OR7C1: variants seen among roughly 807,000 people sequenced by gnomAD.
OR7C1 encodes olfactory receptor family 7 subfamily C member 1.
For synonymous variants in OR7C1, 152 were observed against 160.7 expected, an observed-to-expected ratio of 0.95 and a Z score of 0.41; for missense variants, 324 against 383.3, an observed-to-expected ratio of 0.85 and a Z score of 1.29.
At chr19:14,814,400 G>A (rs998258704) in intron 1 of OR7C1, among the ~76,000 whole-genome samples, 2 of 151,826 alleles carry the variant, frequency 1.3e-5, no homozygotes. Context: ...ATGGCCAACA[G>A]GAATATGGAA....
exon 5 of OR7C1, chr19:14,799,155 A>G (rs2044625800): frequency 3.8e-6 from 6 of 1,571,512 alleles, no homozygotes; most frequent in Middle Eastern, 1.7e-4. Context: ...GTGCCTCCCA[A>G]TGGTCCAAGC....
intron 4 of OR7C1, 35 bp from the exon 5 acceptor site, chr19:14,800,184 T>C: frequency 6.7e-7 from 1 of 1,494,206 alleles, no homozygotes; most frequent in Non-Finnish European, 8.9e-7. Flanking sequence ...CAGTCAATTA[T>C]CAACACACTG....
chr19:14,825,267 C>G (rs894411337), intron 1 of OR7C1: 3 of 152,026 alleles, frequency 2.0e-5, no homozygotes, highest in Admixed American at 6.6e-5. Flanking sequence ...GAGTACAATT[C>G]TGGTTATGGA....
chr19:14,810,502 C>T (rs1448240975), intron 1 of OR7C1, among the ~76,000 whole-genome samples: 1 of 151,688 alleles, frequency 6.6e-6, no homozygotes, highest in Non-Finnish European at 1.5e-5. Context: ...GCCTCAGCCT[C>T]CCGAGTAGCT....
exon 5 of OR7C1, chr19:14,799,486 A>T: frequency 6.2e-7 from 1 of 1,614,188 alleles, no homozygotes; most frequent in East Asian, 2.2e-5. Context: ...TTTTATAGTA[A>T]GAGAAAAATA....
At chr19:14,809,049 G>A (rs1380628609) in intron 2 of OR7C1, among the ~76,000 whole-genome samples, 3 of 151,874 alleles carry the variant, frequency 2.0e-5, no homozygotes, top group African/African-American at 4.9e-5. Flanking sequence ...AACATGTTAT[G>A]TAAATGAACA....
At chr19:14,825,324 C>T (rs959855199) in intron 1 of OR7C1, 19 of 152,092 alleles carry the variant, frequency 1.2e-4, no homozygotes, top group Non-Finnish European at 5.9e-5. Context: ...TGGGTCAAAA[C>T]GTACAGAGTT....
At chr19:14,815,696 C>T (rs548268067) in intron 1 of OR7C1, among the ~76,000 whole-genome samples, 4 of 152,190 alleles carry the variant, frequency 2.6e-5, no homozygotes, top group African/African-American at 9.6e-5. Context: ...CTGGAGATAT[C>T]AAGGGCTGTG....
Position 14,799,307 on chromosome 19 carries a change from A to T in OR7C1, c.830T>A (p.Met277Lys), listed in dbSNP as rs1302653366. The T allele has an allele frequency of 2.5e-6, 4 of 1,614,034 alleles. No homozygotes were observed. The African/African-American group carries it at 5.3e-5, about 22-fold the overall frequency. ...CAGCATGGGGGTGACCATGGTGTACATCACTGAGGCCACCAGACTTGTCCT... is the reference window on the plus strand; with the variant it reads ...CAGCATGGGGGTGACCATGGTGTACTTCACTGAGGCCACCAGACTTGTCCT... The change falls in exon 5 of 5, where the codon ATG becomes AAG. Residue 277 changes from methionine (M) to lysine (K), a missense_variant. Coordinates refer to ENST00000641666, the Ensembl canonical transcript of OR7C1.
intron 1 of OR7C1, among the ~76,000 whole-genome samples, chr19:14,823,532 G>A (rs193080946): frequency 4.3e-4 from 65 of 152,340 alleles, no homozygotes; most frequent in Non-Finnish European, 6.8e-4. Flanking sequence ...TTGCCTAGTG[G>A]TGAAGTCTGG....
In OR7C1 at chr19:14,813,423, C is replaced by T. The variant is rs544587810; in HGVS notation, c.-622-3430G>A. 2.7e-5 allele frequency among the ~76,000 whole-genome samples: 4 copies of T among 150,168 alleles called. No homozygotes were observed. The South Asian group carries it at 6.4e-4, about 24-fold the overall frequency. On this transcript the variant is annotated intron_variant, in intron 1 of 4. Transcript: ENST00000641666. The stretch of plus-strand genomic sequence containing the variant: ...ACAAAAAATTAGCCAGGCATGGTGG[C>T]GGGCGCCTGTAGTCCCAGCTACTCG...
At chr19:14,804,866 A>G (rs181056069) in intron 2 of OR7C1, among the ~76,000 whole-genome samples, 1 of 151,942 alleles carries the variant, frequency 6.6e-6, no homozygotes, top group Admixed American at 6.5e-5. Context: ...TGTTATATTA[A>G]TTTCATCTCA....
At chr19:14,799,876 T>C (rs2044632062) in exon 5 of OR7C1, 1 of 1,614,004 alleles carries the variant, frequency 6.2e-7, no homozygotes, top group African/African-American at 1.3e-5. Context: ...ATTTGTTCTG[T>C]GTCAGTATAT....
chr19:14,823,905 C>CTTTTTTTTT (rs200113587), intron 1 of OR7C1, among the ~76,000 whole-genome samples: 1 of 139,984 alleles, frequency 7.1e-6, no homozygotes, highest in African/African-American at 2.6e-5. Context: ...CACTATTGTG[C>CTTTTTTTTT]TTTTTTTTTT....
intron 1 of OR7C1, chr19:14,821,635 GAA>G (rs1239702270): frequency 6.6e-6 from 1 of 152,240 alleles, no homozygotes; most frequent in African/African-American, 2.4e-5. Flanking sequence ...GGTGGCTGAA[GAA>G]AGAGTATCAT....
chr19:14,826,073 G>A (rs1157240464), intron 1 of OR7C1: 1 of 152,132 alleles, frequency 6.6e-6, no homozygotes, highest in African/African-American at 2.4e-5. Flanking sequence ...GATCTGGAGA[G>A]GTTAGAATGA....
chr19:14,810,152 C>T (rs552961247), intron 1 of OR7C1, among the ~76,000 whole-genome samples, 159 bp from the exon 2 acceptor site: 3 of 152,010 alleles, frequency 2.0e-5, no homozygotes, highest in Admixed American at 1.3e-4. Flanking sequence ...GTTCATTCCC[C>T]GTGGGCTCAC....
chr19:14,827,944 G>T, intron 1 of OR7C1: 2 of 1,614,200 alleles, frequency 1.2e-6, no homozygotes, highest in East Asian at 2.2e-5. Flanking sequence ...AAATACATCT[G>T]CATGAGGCAG....
intron 2 of OR7C1, among the ~76,000 whole-genome samples, chr19:14,808,460 C>G (rs1183191641): frequency 6.6e-6 from 1 of 151,966 alleles, no homozygotes; most frequent in African/African-American, 2.4e-5. Flanking sequence ...GAATTCATGT[C>G]TTGTGCAGCA....
Sources: gnomAD v4.1 joint callset for allele counts (sites outside exome capture counted in the v4.1 genomes callset) on GRCh38, gnomAD v4.1.1 for gene constraint, MANE v1.5 for transcripts, NCBI Gene and HGNC (gene_info 2026-07-23, HGNC 2026-07-21) for gene names.